Variants in ADAMTS4 observed in about 807,000 individuals in gnomAD.
ADAMTS4 encodes the protein ADAM metallopeptidase with thrombospondin type 1 motif 4.
ADAMTS4 carries 38 observed loss-of-function variants against 66.7 expected under a neutral mutation model. The ratio of observed to expected loss-of-function variants is 0.57; its 90% CI spans 0.44 to 0.75. The LOEUF is 0.75. Ranked by LOEUF, ADAMTS4 falls within the 30% of genes least tolerant of loss-of-function variation. The probability of loss-of-function intolerance (pLI) is 0.00; values close to 1 mark genes in which losing one functional copy is unlikely to be tolerated. For synonymous variants in ADAMTS4, 418 were observed against 461.5 expected, an observed-to-expected ratio of 0.91 and a Z score of 1.21; for missense variants, 1,014 against 1,116.7, an observed-to-expected ratio of 0.91 and a Z score of 1.31.
chr1:161,195,645 CA>C lies in ADAMTS4; in HGVS notation c.1091-11del. Reference sequence around the variant, plus strand: ...ATGTTGAAGACATGACCTGTGGGAGCAAAGGCCCTGATAGGATCTGAGGGTC... The same window carrying C: ...ATGTTGAAGACATGACCTGTGGGAGCAAGGCCCTGATAGGATCTGAGGGTC... On this transcript the variant is annotated splice_polypyrimidine_tract_variant and intron_variant, in intron 3 of 8. Transcript: ENST00000367996. 6.2e-7 allele frequency: 1 copy of C among 1,606,618 alleles called. No individual in the cohort carries two copies. Among genetic ancestry groups the C allele is most frequent in the Non-Finnish European group, 8.5e-7 (1 of 1,176,308 alleles).
rs749833445 is a variant in ADAMTS4 at position 161,195,474 on chromosome 1, T to G, written c.1252A>C (p.Asn418His). 52 of 1,607,334 alleles carry G rather than the reference T, an allele frequency of 3.2e-5. No individual in the cohort carries two copies. Among genetic ancestry groups the G allele is most frequent in the Non-Finnish European group, 4.3e-5 (51 of 1,177,342 alleles). ...AGTGCCATCTGCTTACCATAGCCAT[T>G]GTCCAGGAAGTCAGTGATGAAGCGG... Reference protein sequence around the residue: ...SARFITDFLDNGYGHCLLDKP... With the variant: ...SARFITDFLDHGYGHCLLDKP... The change falls in exon 4 of 9, where the codon AAT becomes CAT. Residue 418 changes from asparagine to histidine, a missense_variant. By Grantham distance (68) the Asn-to-His change is moderately conservative. Coordinates refer to ENST00000367996, the MANE Select transcript of ADAMTS4 (RefSeq NM_005099.6).
rs972488271 is a variant in ADAMTS4 at position 161,194,697 on chromosome 1, G to T, written c.1262-476C>A. 1.3e-5 allele frequency among the ~76,000 whole-genome samples: 2 copies of T among 152,166 alleles called. No individual in the cohort carries two copies. The highest frequency in any genetic ancestry group is 4.8e-5 in the African/African-American group (2 of 41,436). ...AGCCACTGTGCCTAGCCCTGTAAGA[G>T]GCTTTAATGGGCAGCTATAGTTTAT... is the stretch of plus-strand genomic sequence containing the variant. On this transcript the variant is annotated intron_variant, in intron 4 of 8. Coordinates refer to ENST00000367996, the MANE Select transcript of ADAMTS4 (RefSeq NM_005099.6). The surrounding 1 kb of genome is among the most constrained non-coding windows in gnomAD (Gnocchi z 4.1).
rs1301359068 is a variant in ADAMTS4 at position 161,198,889 on chromosome 1, T to C, written c.-262A>G. On this transcript the variant is annotated 5_prime_UTR_variant, in exon 1 of 9. Coordinates refer to ENST00000367996, the MANE Select transcript of ADAMTS4 (RefSeq NM_005099.6). This position sits in a 1 kb window ranked among gnomAD's most constrained non-coding sequence, Gnocchi z 4.7. ...TCCTGGATCTTTGTCTCTCCCTGCC[T>C]GTGTCTTCTGCAGCTTCTCTGGCCT... 3 of 427,912 alleles carry C rather than the reference T, an allele frequency of 7.0e-6. No homozygotes were observed. The highest frequency in any genetic ancestry group is 1.2e-5 in the Non-Finnish European group (3 of 241,450). The allele number at this position is 427,912 out of a possible 1,614,324, so 26.5% of individuals were successfully genotyped here. A position where few individuals can be genotyped will look rare whatever the true frequency, so the allele number is the denominator to read the frequency against.
In ADAMTS4 at chr1:161,185,048, A is replaced by AG. The variant is rs1442875866; in HGVS notation, c.*6089dup. On this transcript the variant is annotated 3_prime_UTR_variant, in exon 9 of 9. Transcript: ENST00000367996. ...GAAAAAAAAGAAGAAAAAGAAAGGCAGGGGGGGAGGGGGGAGGGATAGCAT... is the reference window on the plus strand; with the variant it reads ...GAAAAAAAAGAAGAAAAAGAAAGGCAGGGGGGGGAGGGGGGAGGGATAGCAT... The AG allele has an allele frequency of 2.8e-3, 108 of 38,152 alleles. No homozygotes were observed. The highest frequency in any genetic ancestry group is 4.6e-3 in the Non-Finnish European group (95 of 20,792). The allele number at this position is 38,152 out of a possible 1,614,324, so 2.4% of individuals were successfully genotyped here.
Position 161,198,054 on chromosome 1 carries a change from G to A in ADAMTS4, c.574C>T (p.Pro192Ser), listed in dbSNP as rs151081522. The A allele has an allele frequency of 3.7e-6, 6 of 1,605,858 alleles. No homozygotes were observed. The highest frequency in any genetic ancestry group is 1.7e-4 in the Middle Eastern group (1 of 6,028). ...RRKSPASGQG[P>S]MCNVKAPLGS... ...AGAGGAGCCTTGACGTTGCACATGG[G>A]ACCTTGACCGCTGGCAGGACTCTTC... Residue 192 changes from proline to serine, a missense_variant, in exon 1 of 9, where the codon CCC becomes TCC. Pro to Ser is a moderately conservative substitution (Grantham distance 74). Coordinates refer to ENST00000367996, the MANE Select transcript of ADAMTS4 (RefSeq NM_005099.6). The surrounding 1 kb of genome is among the most constrained non-coding windows in gnomAD (Gnocchi z 4.7).
chr1:161,196,664 TGGGCCCCACTTG>T lies in ADAMTS4; in HGVS notation c.838_849del (p.Gln280_Pro283del). Reference sequence around the variant, plus strand: ...AAGCTGCGCAGGGTCTGGGCAGCACTGGGCCCCACTTGGGGCCCCTCCTCGCCTGACCCCAGG... The same window carrying T: ...AAGCTGCGCAGGGTCTGGGCAGCACTGGGCCCCTCCTCGCCTGACCCCAGG... On this transcript the variant is annotated inframe_deletion, in exon 2 of 9. Transcript: ENST00000367996. 1 of 1,614,116 alleles carries T rather than the reference TGGGCCCCACTTG, an allele frequency of 6.2e-7. No individual in the cohort carries two copies. The highest frequency in any genetic ancestry group is 8.5e-7 in the Non-Finnish European group (1 of 1,179,982).
chr1:161,198,084 G>A lies in ADAMTS4; in HGVS notation c.544C>T (p.Arg182Cys), dbSNP rs764740290. 38 of 1,612,980 alleles carry A rather than the reference G, an allele frequency of 2.4e-5. No individual in the cohort carries two copies. The highest frequency in any genetic ancestry group is 8.3e-5 in the Admixed American group (5 of 59,910). ...TGACCGCTGGCAGGACTCTTCCGGC[G>A]TAGGATGTGAGCCCCAGGTCCCCCA... ...SAGGPGAHIL[R>C]RKSPASGQGP... The change falls in exon 1 of 9, where the codon CGC becomes TGC. Residue 182 changes from arginine (R) to cysteine (C), a missense_variant. Arg to Cys is a radical substitution (Grantham distance 180, BLOSUM62 -3). Coordinates refer to ENST00000367996, the MANE Select transcript of ADAMTS4 (RefSeq NM_005099.6). The surrounding 1 kb of genome is among the most constrained non-coding windows in gnomAD (Gnocchi z 4.7).
At position 161,194,236 on chromosome 1, in the gene ADAMTS4, G is replaced by A. The variant is rs767606367; in HGVS notation, c.1262-15C>T. 22 of 1,606,294 alleles carry A rather than the reference G, an allele frequency of 1.4e-5. No homozygotes were observed. The highest frequency in any genetic ancestry group is 2.2e-5 in the South Asian group (2 of 90,698). On this transcript the variant is annotated splice_polypyrimidine_tract_variant and intron_variant, in intron 4 of 8. Transcript: ENST00000367996. The surrounding 1 kb of genome is among the most constrained non-coding windows in gnomAD (Gnocchi z 4.1). ...GAGACAGTGCCCTGGGAAGGGGGTTGGGGCACAAAGTCAGCAACGGGCTGA... is the reference window on the plus strand; with the variant it reads ...GAGACAGTGCCCTGGGAAGGGGGTTAGGGCACAAAGTCAGCAACGGGCTGA...
chr1:161,191,003 A>T lies in ADAMTS4; in HGVS notation c.*135T>A. On this transcript the variant is annotated 3_prime_UTR_variant, in exon 9 of 9. Transcript: ENST00000367996. ...GCAGGGCCAGCCTGCGCATTAGGGCAGAGAGGAGGGGCAGGTCTCACGCCC... is the reference window on the plus strand; with the variant it reads ...GCAGGGCCAGCCTGCGCATTAGGGCTGAGAGGAGGGGCAGGTCTCACGCCC... The T allele has an allele frequency of 9.6e-7, 1 of 1,043,828 alleles. No homozygotes were observed. The highest frequency in any genetic ancestry group is 1.4e-6 in the Non-Finnish European group (1 of 738,874). The allele number at this position is 1,043,828 out of a possible 1,614,324, so 64.7% of individuals were successfully genotyped here.
chr1:161,193,364 C>G lies in ADAMTS4; in HGVS notation c.1760G>C (p.Cys587Ser). The change falls in exon 7 of 9, where the codon TGT (cysteine) becomes TCT (serine). Residue 587 changes from cysteine (C) to serine (S), a missense_variant. Transcript: ENST00000367996. The surrounding 1 kb of genome is among the most constrained non-coding windows in gnomAD (Gnocchi z 4.4). ...GSALTFREEQ[C>S]AAYNHRTDLF... ...GTCGGTGCGGTGGTTGTAGGCAGCA[C>G]ACTGCTCCTCGCGGAAGGTCAGGGC... The G allele has an allele frequency of 6.2e-7, 1 of 1,613,810 alleles. No homozygotes were observed. The highest frequency in any genetic ancestry group is 8.5e-7 in the Non-Finnish European group (1 of 1,179,894).
chr1:161,194,048 G>A lies in ADAMTS4; in HGVS notation c.1435C>T (p.His479Tyr), dbSNP rs1273119681. The A allele has an allele frequency of 1.2e-6, 2 of 1,614,180 alleles. No individual in the cohort carries two copies. Among genetic ancestry groups the A allele is most frequent in the Non-Finnish European group, 1.7e-6 (2 of 1,180,030 alleles). Residue 479 changes from histidine to tyrosine, a missense_variant, in exon 5 of 9, where the codon CAT becomes TAT. Coordinates refer to ENST00000367996, the MANE Select transcript of ADAMTS4 (RefSeq NM_005099.6). This position sits in a 1 kb window ranked among gnomAD's most constrained non-coding sequence, Gnocchi z 4.1. ...GAGTGTTTGGTCTGGCACATGGCAT[G>A]GCCATTGAGGTGGCCAGAGCACCAG... Reference protein sequence around the residue: ...ALWCSGHLNGHAMCQTKHSPW... With the variant: ...ALWCSGHLNGYAMCQTKHSPW...
chr1:161,187,010 AG>A lies in ADAMTS4; in HGVS notation c.*4127del, dbSNP rs921909223. 1.8e-4 allele frequency: 27 copies of A among 152,214 alleles called. No homozygotes were observed. The highest frequency in any genetic ancestry group is 6.0e-4 in the African/African-American group (25 of 41,528). 9.4% of individuals were successfully genotyped at this position (152,214 alleles called of 1,614,324 possible). ...AGGGAGACCCTATCTCAAAAAAAAA[AG>A]TGTATCTCCATGAACATTAAAGGAA... On this transcript the variant is annotated 3_prime_UTR_variant, in exon 9 of 9. Transcript: ENST00000367996.
At position 161,198,480 on chromosome 1, in the gene ADAMTS4, G is replaced by C. The variant is rs201397731; in HGVS notation, c.148C>G (p.Arg50Gly). 9 of 1,568,962 alleles carry C rather than the reference G, an allele frequency of 5.7e-6. No homozygotes were observed. Among genetic ancestry groups the C allele is most frequent in the Admixed American group, 1.9e-5 (1 of 52,658 alleles). ...LLLASLLPSA[R>G]LASPLPREEE... is the part of the protein sequence containing the mutation. ...TCCCGGGGGAGGGGGCTGGCCAGCCGGGCTGAGGGCAGGAGAGAGGCCAGC... is the reference window on the plus strand; with the variant it reads ...TCCCGGGGGAGGGGGCTGGCCAGCCCGGCTGAGGGCAGGAGAGAGGCCAGC... Residue 50 changes from arginine to glycine, a missense_variant, in exon 1 of 9, where the codon CGG becomes GGG. Transcript: ENST00000367996. The surrounding 1 kb of genome is among the most constrained non-coding windows in gnomAD (Gnocchi z 4.7).
chr1:161,193,293 T>A lies in ADAMTS4; in HGVS notation c.1831A>T (p.Thr611Ser). ...PGPMDWVPRYTGVAPQDQCKL... is the reference protein window; with the variant it reads ...PGPMDWVPRYSGVAPQDQCKL... ...CACTGGTCCTGGGGGGCCACGCCTG[T>A]GTAGCGAGGAACCCAGTCCATGGGC... The change falls in exon 7 of 9, where the codon ACA (threonine) becomes TCA (serine). Residue 611 changes from threonine (T) to serine (S), a missense_variant. Physicochemically the swap from Thr to Ser is moderately conservative, Grantham distance 58. Coordinates refer to ENST00000367996, the MANE Select transcript of ADAMTS4 (RefSeq NM_005099.6). This position sits in a 1 kb window ranked among gnomAD's most constrained non-coding sequence, Gnocchi z 4.4. The A allele has an allele frequency of 1.2e-6, 2 of 1,614,046 alleles. No individual in the cohort carries two copies. The highest frequency in any genetic ancestry group is 1.7e-6 in the Non-Finnish European group (2 of 1,179,986).
At position 161,194,099 on chromosome 1, in the gene ADAMTS4, G is replaced by A; in HGVS notation, c.1384C>T (p.Gln462Ter). 4 of 1,614,270 alleles carry A rather than the reference G, an allele frequency of 2.5e-6. No homozygotes were observed. The highest frequency in any genetic ancestry group is 3.4e-6 in the Non-Finnish European group (4 of 1,180,050). ...TFGPDSRHCP[Q>*]LPPPCAALWC... ...AGGGCAGCACAGGGCGGCGGCAGCT[G>A]TGGACAATGGCGTGAGTCGGGCCCG... is the stretch of plus-strand genomic sequence containing the variant. The change falls in exon 5 of 9, where the codon CAG becomes TAG. Residue 462 changes from glutamine to a stop codon, truncating the protein, a stop_gained. Transcript: ENST00000367996. LOFTEE classifies it high-confidence loss of function. This position sits in a 1 kb window ranked among gnomAD's most constrained non-coding sequence, Gnocchi z 4.1.
At position 161,193,269 on chromosome 1, in the gene ADAMTS4, A is replaced by C. The variant is rs767653927; in HGVS notation, c.1855T>G (p.Cys619Gly). 2 of 1,613,934 alleles carry C rather than the reference A, an allele frequency of 1.2e-6. No homozygotes were observed. The highest frequency in any genetic ancestry group is 1.7e-6 in the Non-Finnish European group (2 of 1,180,008). The change falls in exon 7 of 9, where the codon TGC becomes GGC. Residue 619 changes from cysteine to glycine, a missense_variant. Coordinates refer to ENST00000367996, the MANE Select transcript of ADAMTS4 (RefSeq NM_005099.6). This position sits in a 1 kb window ranked among gnomAD's most constrained non-coding sequence, Gnocchi z 4.4. ...RYTGVAPQDQ[C>G]KLTCQAQALG... ...GCCTGGGCCTGGCAGGTGAGTTTGC[A>C]CTGGTCCTGGGGGGCCACGCCTGTG... is the stretch of plus-strand genomic sequence containing the variant.
chr1:161,194,145 G>T lies in ADAMTS4; in HGVS notation c.1338C>A (p.Asp446Glu), dbSNP rs1664757224. Reference protein sequence around the residue: ...VTFPGKDYDADRQCQLTFGPD... With the variant: ...VTFPGKDYDAERQCQLTFGPD... Reference sequence around the variant, plus strand: ...GCCCGAAGGTCAGCTGGCACTGGCGGTCAGCATCATAGTCCTTGCCAGGGA... The same window carrying T: ...GCCCGAAGGTCAGCTGGCACTGGCGTTCAGCATCATAGTCCTTGCCAGGGA... The change falls in exon 5 of 9, where the codon GAC (aspartate) becomes GAA (glutamate). Residue 446 changes from aspartate to glutamate, a missense_variant. Transcript: ENST00000367996. The surrounding 1 kb of genome is among the most constrained non-coding windows in gnomAD (Gnocchi z 4.1). 1 of 1,614,216 alleles carries T rather than the reference G, an allele frequency of 6.2e-7. No individual in the cohort carries two copies. The highest frequency in any genetic ancestry group is 1.1e-5 in the South Asian group (1 of 91,084).
chr1:161,196,027 C>T (rs1664817787), intron 3 of ADAMTS4, 144 bp downstream of exon 3: 1 of 1,015,144 alleles, frequency 9.9e-7, no homozygotes, highest in South Asian at 2.0e-5. Flanking sequence ...TGTATGTCTA[C>T]ACCTGGAGCA....
chr1:161,191,193 C>T lies in ADAMTS4; in HGVS notation c.2459G>A (p.Arg820Gln), dbSNP rs200129460. Residue 820 changes from arginine to glutamine, a missense_variant, in exon 9 of 9, where the codon CGA becomes CAA. Arg to Gln is a conservative substitution (Grantham distance 43, BLOSUM62 1). Coordinates refer to ENST00000367996, the MANE Select transcript of ADAMTS4 (RefSeq NM_005099.6). ...PRPTPQDWLH[R>Q]RAQILEILRR... ...AAGGATCTCCAGAATCTGTGCTCTT[C>T]GGTGCAGCCAGTCCTGGGGAGTGGG... 477 of 1,596,770 alleles carry T rather than the reference C, an allele frequency of 3.0e-4. 3 individuals are homozygous for T. Among genetic ancestry groups the T allele is most frequent in the South Asian group, 1.1e-3 (98 of 90,188 alleles).
Sources: allele counts gnomAD v4.1 joint callset (sites outside exome capture counted in the v4.1 genomes callset), GRCh38; gene constraint gnomAD v4.1.1; non-coding constraint Gnocchi (gnomAD v3.1); transcripts MANE v1.5; gene names NCBI Gene and HGNC (gene_info 2026-07-23, HGNC 2026-07-21).